Variants in SUN3 observed in about 807,000 individuals in gnomAD.
SUN3 encodes the protein SUN domain-containing protein 3.
A neutral mutation model predicts 48.2 loss-of-function variants in SUN3; 36 were observed. That is an observed-to-expected ratio of 0.75 (90% CI 0.57 to 0.99). The LOEUF is 0.99. SUN3 is among the 50% of genes least tolerant of loss of function. The pLI is 0.00. For missense variants in SUN3, 419 were observed against 433.1 expected, an observed-to-expected ratio of 0.97 and a Z score of 0.29; for synonymous variants, 148 against 147.9, an observed-to-expected ratio of 1.00 and a Z score of 0.00.
chr7:48,021,151 C>T lies in SUN3; in HGVS notation c.185-3786G>A, dbSNP rs183551269. ...TTTCAACAAATGTGCCAAGAACATACGCTGGGGAAATCATAGTCTCTTCAA... is the reference window on the plus strand; with the variant it reads ...TTTCAACAAATGTGCCAAGAACATATGCTGGGGAAATCATAGTCTCTTCAA... On this transcript the variant is annotated intron_variant, in intron 2 of 9. Transcript: ENST00000297325. 1.4e-3 allele frequency among the ~76,000 whole-genome samples: 220 copies of T among 152,130 alleles called. 1 individual carries two copies. The highest frequency in any genetic ancestry group is 4.8e-3 in the African/African-American group (199 of 41,540).
At position 48,028,837 on chromosome 7, in the gene SUN3, G is replaced by T; in HGVS notation, c.102C>A (p.Asp34Glu). 1 of 1,613,714 alleles carries T rather than the reference G, an allele frequency of 6.2e-7. No individual in the cohort carries two copies. Among genetic ancestry groups the T allele is most frequent in the Non-Finnish European group, 8.5e-7 (1 of 1,179,778 alleles). The change falls in exon 1 of 10, where the codon GAC becomes GAA. Residue 34 changes from aspartate to glutamate, a missense_variant. Transcript: ENST00000297325. ...SASGNALLSE[D>E]ENPDANGVTR... ...CCTACCCATTCGCATCAGGATTTTCGTCCTCTGATAACAAAGCATTGCCAC... is the reference window on the plus strand; with the variant it reads ...CCTACCCATTCGCATCAGGATTTTCTTCCTCTGATAACAAAGCATTGCCAC...
Position 47,998,557 on chromosome 7 carries a change from T to A in SUN3, c.578-2411A>T, listed in dbSNP as rs111603009. Among the ~76,000 whole-genome samples the A allele has an allele frequency of 3.0e-3, 455 of 152,332 alleles. 6 individuals are homozygous for A. Among genetic ancestry groups the A allele is most frequent in the African/African-American group, 0.01 (424 of 41,580 alleles). The stretch of plus-strand genomic sequence containing the variant: ...TTTGGCAGAGTAGAAATTAATTTTG[T>A]TGAAGCCCATATTATCCATTATTTT... On this transcript the variant is annotated intron_variant, in intron 6 of 9. Coordinates refer to ENST00000297325, the MANE Select transcript of SUN3 (RefSeq NM_001030019.2).
At chr7:48,027,483 G>A (rs193168107) in intron 1 of SUN3, among the ~76,000 whole-genome samples, 1 of 152,290 alleles carries the variant, frequency 6.6e-6, no homozygotes, top group East Asian at 1.9e-4. Context: ...CTTTTAAAAA[G>A]CCCTAAAGGG....
At chr7:47,997,455 A>G (rs543787795) in intron 6 of SUN3, among the ~76,000 whole-genome samples, 1 of 152,298 alleles carries the variant, frequency 6.6e-6, no homozygotes, top group South Asian at 2.1e-4. Flanking sequence ...GTGGGGACTG[A>G]ATACCCCATC....
chr7:48,012,433 C>G (rs1789709934), intron 3 of SUN3, among the ~76,000 whole-genome samples: 1 of 150,640 alleles, frequency 6.6e-6, no homozygotes, highest in African/African-American at 2.4e-5. Context: ...AGACCCAAAG[C>G]TTTATGCCTT....
chr7:48,029,321 A>G (rs1790222584), upstream of SUN3, among the ~76,000 whole-genome samples: 1 of 152,198 alleles, frequency 6.6e-6, no homozygotes, highest in Non-Finnish European at 1.5e-5. Context: ...TGCTTTTCTA[A>G]TAAAGAAAAT....
chr7:48,031,942 G>T (rs991102044), upstream of SUN3, among the ~76,000 whole-genome samples: 25 of 152,108 alleles, frequency 1.6e-4, no homozygotes, highest in Non-Finnish European at 2.8e-4. Flanking sequence ...GTAGGAAATT[G>T]TGTCATTTGT....
chr7:48,000,856 T>C (rs1231474887), intron 6 of SUN3, among the ~76,000 whole-genome samples: 1 of 142,570 alleles, frequency 7.0e-6, no homozygotes, highest in South Asian at 2.3e-4. Flanking sequence ...TTTTTGAGTC[T>C]GTAAATTTAT....
chr7:48,024,141 G>A (rs10225968), intron 2 of SUN3, among the ~76,000 whole-genome samples: 50,354 of 152,040 alleles, frequency 0.33, 9,457 homozygotes, highest in Middle Eastern at 0.53. Context: ...TTTTAAAAAG[G>A]TTTGGCAATG....
At chr7:48,022,183 C>G (rs935797361) in intron 2 of SUN3, among the ~76,000 whole-genome samples, 1 of 152,086 alleles carries the variant, frequency 6.6e-6, no homozygotes, top group African/African-American at 2.4e-5. Flanking sequence ...ACAAATATCA[C>G]ATGTTCTCAA....
At chr7:48,021,417 A>T (rs1292665018) in intron 2 of SUN3, among the ~76,000 whole-genome samples, 1 of 152,040 alleles carries the variant, frequency 6.6e-6, no homozygotes, top group Non-Finnish European at 1.5e-5. Flanking sequence ...AAATGGGATC[A>T]CAGCTAAAAA....
intron 3 of SUN3, 49 bp from the exon 4 acceptor site, chr7:48,009,124 ATAGAG>A (rs749199651): frequency 1.2e-5 from 19 of 1,557,960 alleles, no homozygotes; most frequent in Non-Finnish European, 1.6e-5. Context: ...GCTTATTCAA[ATAGAG>A]TCTTTTTTTT....
chr7:48,031,888 GT>G (rs1229374812), upstream of SUN3, among the ~76,000 whole-genome samples: 29 of 151,432 alleles, frequency 1.9e-4, no homozygotes, highest in African/African-American at 6.8e-4. Context: ...TGTGGTGGTG[GT>G]GGGGGGAGAG....
At chr7:48,004,315 C>G (rs1464960096) in intron 6 of SUN3, among the ~76,000 whole-genome samples, 2 of 152,196 alleles carry the variant, frequency 1.3e-5, no homozygotes, top group East Asian at 3.8e-4. Context: ...ACTCTGAGCC[C>G]TATTACTGTC....
intron 2 of SUN3, among the ~76,000 whole-genome samples, chr7:48,021,934 T>C (rs1247035887): frequency 2.0e-5 from 3 of 152,098 alleles, no homozygotes; most frequent in Admixed American, 2.0e-4. Context: ...ATACCCAAGA[T>C]AAAGGACATC....
intron 6 of SUN3, among the ~76,000 whole-genome samples, chr7:48,003,853 C>A (rs143282256): frequency 6.6e-6 from 1 of 152,168 alleles, no homozygotes; most frequent in Non-Finnish European, 1.5e-5. Flanking sequence ...TGTCTGCAAA[C>A]AGGGATAGTT....
At chr7:47,996,463 T>A (rs996510457) in intron 6 of SUN3, among the ~76,000 whole-genome samples, 1 of 152,242 alleles carries the variant, frequency 6.6e-6, no homozygotes, top group African/African-American at 2.4e-5. Flanking sequence ...TAGATCTTTA[T>A]ATTTTAACAG....
At chr7:48,024,495 A>C (rs1427747286) in intron 2 of SUN3, among the ~76,000 whole-genome samples, 1 of 152,158 alleles carries the variant, frequency 6.6e-6, no homozygotes, top group Non-Finnish European at 1.5e-5. Flanking sequence ...TGTAATTTAA[A>C]AAAAAAGGAA....
rs1191797450 is a variant in SUN3, at chr7:48,029,028, C to T, written c.-90G>A. On this transcript the variant is annotated 5_prime_UTR_variant, in exon 1 of 10. Coordinates refer to ENST00000297325, the MANE Select transcript of SUN3 (RefSeq NM_001030019.2). ...TATGAAAAACATGAAGCTATACATA[C>T]AGTTTCTAAATTTGTTTTGTATAAT... 1 of 1,559,554 alleles carries T rather than the reference C, an allele frequency of 6.4e-7. No homozygotes were observed. The highest frequency in any genetic ancestry group is 2.3e-5 in the East Asian group (1 of 44,124).
Sources: gnomAD v4.1 joint callset for allele counts (sites outside exome capture counted in the v4.1 genomes callset) on GRCh38, gnomAD v4.1.1 for gene constraint, MANE v1.5 for transcripts, NCBI Gene and HGNC (gene_info 2026-07-23, HGNC 2026-07-21) for gene names.